Variants in PSMA4 observed in about 807,000 individuals in gnomAD.
The protein encoded by PSMA4 is proteasome 20S subunit alpha 4, also known as proteasome subunit alpha type-4.
In PSMA4, 8 loss-of-function variants were observed where a neutral mutation model predicts 37.2. The observed-to-expected ratio is 0.22, with a 90% CI of 0.13 to 0.39. PSMA4 has a LOEUF of 0.39. Ranked by LOEUF, PSMA4 falls within the 10% of genes least tolerant of loss-of-function variation. PSMA4 has a pLI of 1.00. For missense variants in PSMA4, 169 were observed against 305.1 expected, an observed-to-expected ratio of 0.55 and a Z score of 3.32; for synonymous variants, 93 against 98.8, an observed-to-expected ratio of 0.94 and a Z score of 0.35.
rs890045217 is a variant in PSMA4, at chr15:78,552,137, G to C, written c.*3193G>C. ...ATTTTTAACCTGAGTTGCAGGACAG[G>C]TGGTTTCCAGAGTGTTGCCTGATGC... is the stretch of plus-strand genomic sequence containing the variant. On this transcript the variant is annotated 3_prime_UTR_variant, in exon 9 of 9. Coordinates refer to ENST00000044462, the MANE Select transcript of PSMA4 (RefSeq NM_002789.6). 1.3e-5 allele frequency: 2 copies of C among 152,162 alleles called. No homozygotes were observed. The highest frequency in any genetic ancestry group is 4.8e-5 in the African/African-American group (2 of 41,412). The allele number at this position is 152,162 out of a possible 1,614,324, so 9.4% of individuals were successfully genotyped here.
rs2052624309 is a variant in PSMA4 at position 78,550,220 on chromosome 15, A to G, written c.*1276A>G. 6.6e-6 allele frequency: 1 copy of G among 152,234 alleles called. No homozygotes were observed. Among genetic ancestry groups the G allele is most frequent in the Non-Finnish European group, 1.5e-5 (1 of 68,046 alleles). 9.4% of individuals were successfully genotyped at this position (152,234 alleles called of 1,614,324 possible). The stretch of plus-strand genomic sequence containing the variant: ...CCACTGGTCACATTTTTATCAACTG[A>G]TCAGTACATAACCTGTTTTTTGTGT... On this transcript the variant is annotated 3_prime_UTR_variant, in exon 9 of 9. Coordinates refer to ENST00000044462, the MANE Select transcript of PSMA4 (RefSeq NM_002789.6).
chr15:78,552,153 T>A lies in PSMA4; in HGVS notation c.*3209T>A, dbSNP rs1225317835. ...GCAGGACAGGTGGTTTCCAGAGTGT[T>A]GCCTGATGCATCCCAAATGCTGCCT... On this transcript the variant is annotated 3_prime_UTR_variant, in exon 9 of 9. Transcript: ENST00000044462. 6.6e-6 allele frequency: 1 copy of A among 152,218 alleles called. No individual in the cohort carries two copies. Among genetic ancestry groups the A allele is most frequent in the East Asian group, 1.9e-4 (1 of 5,194 alleles). 9.4% of individuals were successfully genotyped at this position (152,218 alleles called of 1,614,324 possible).
In PSMA4 at chr15:78,550,794, A is replaced by G. The variant is rs2052632452; in HGVS notation, c.*1850A>G. ...GCCTTGCTCAACCTCAGATGGGAAC[A>G]TGTGCACCTGGGTACTCAAAATTTT... On this transcript the variant is annotated 3_prime_UTR_variant, in exon 9 of 9. Coordinates refer to ENST00000044462, the MANE Select transcript of PSMA4 (RefSeq NM_002789.6). 1 of 152,196 alleles carries G rather than the reference A, an allele frequency of 6.6e-6. No individual in the cohort carries two copies. The highest frequency in any genetic ancestry group is 2.4e-5 in the African/African-American group (1 of 41,452). 9.4% of individuals were successfully genotyped at this position (152,196 alleles called of 1,614,324 possible). A position where few individuals can be genotyped will look rare whatever the true frequency, so the allele number is the denominator to read the frequency against.
chr15:78,542,295 C>CT lies in PSMA4; in HGVS notation c.46+83dup. On this transcript the variant is annotated intron_variant, in intron 3 of 8. Transcript: ENST00000044462. Reference sequence around the variant, plus strand: ...GACTTTTAGAAAAAAAAATTACAAACTTTTTTTGGTAGTTGCAAAGTTCAT... The same window carrying CT: ...GACTTTTAGAAAAAAAAATTACAAACTTTTTTTTGGTAGTTGCAAAGTTCAT... 2.7e-6 allele frequency: 4 copies of CT among 1,485,998 alleles called. No individual in the cohort carries two copies. The Admixed American group carries it at 8.9e-5, about 33-fold the overall frequency. The allele number at this position is 1,485,998 out of a possible 1,614,324, so 92.1% of individuals were successfully genotyped here.
chr15:78,542,730 G>C (rs185351987), intron 4 of PSMA4, 85 bp downstream of exon 4: 5 of 1,262,588 alleles, frequency 4.0e-6, no homozygotes, highest in Non-Finnish European at 5.5e-6. Flanking sequence ...GGGCTCTTCC[G>C]TGCGATGTGG....
intron 6 of PSMA4, among the ~76,000 whole-genome samples, chr15:78,545,278 C>T (rs930264359): frequency 2.6e-5 from 4 of 152,210 alleles, no homozygotes; most frequent in African/African-American, 9.7e-5. Flanking sequence ...ACTAGAATTT[C>T]ATACATTCTT....
intron 8 of PSMA4, 62 bp downstream of exon 8, chr15:78,546,760 A>ATT: frequency 1.4e-6 from 2 of 1,436,560 alleles, no homozygotes; most frequent in South Asian, 1.3e-5. Context: ...AGCTGTTAAG[A>ATT]TTTTTTTCTT....
rs977355918 is a variant in PSMA4, at chr15:78,544,239, A to T, written c.259A>T (p.Thr87Ser). 1 of 1,613,358 alleles carries T rather than the reference A, an allele frequency of 6.2e-7. No homozygotes were observed. The highest frequency in any genetic ancestry group is 8.5e-7 in the Non-Finnish European group (1 of 1,179,430). ...AGITSDANVL[T>S]NELRLIAQRY... ...CATAACTTCTGATGCTAATGTTCTGACTAATGAACTAAGGCTCATTGCTCA... is the reference window on the plus strand; with the variant it reads ...CATAACTTCTGATGCTAATGTTCTGTCTAATGAACTAAGGCTCATTGCTCA... The change falls in exon 5 of 9, where the codon ACT becomes TCT. Residue 87 changes from threonine to serine, a missense_variant. Thr to Ser is a moderately conservative substitution (Grantham distance 58, BLOSUM62 1). Coordinates refer to ENST00000044462, the MANE Select transcript of PSMA4 (RefSeq NM_002789.6).
At position 78,549,352 on chromosome 15, in the gene PSMA4, A is replaced by G. The variant is rs750156182; in HGVS notation, c.*408A>G. 1 of 154,532 alleles carries G rather than the reference A, an allele frequency of 6.5e-6. No homozygotes were observed. The highest frequency in any genetic ancestry group is 1.4e-5 in the Non-Finnish European group (1 of 69,690). 9.6% of individuals were successfully genotyped at this position (154,532 alleles called of 1,614,324 possible). ...TCTGTCTGCAGGAATTGGTTTGAGA[A>G]TGAACACGTGAGCTGAACAAAGCCA... On this transcript the variant is annotated 3_prime_UTR_variant, in exon 9 of 9. Coordinates refer to ENST00000044462, the MANE Select transcript of PSMA4 (RefSeq NM_002789.6).
chr15:78,542,010 A>G, intron 2 of PSMA4, 80 bp downstream of exon 2: 5 of 1,526,454 alleles, frequency 3.3e-6, no homozygotes, highest in Non-Finnish European at 4.5e-6. Context: ...TGAGTGGGAA[A>G]ATTGAAATAG....
intron 4 of PSMA4, 141 bp downstream of exon 4, chr15:78,542,786 C>A (rs900542062): frequency 1.7e-5 from 13 of 757,668 alleles, no homozygotes; most frequent in African/African-American, 1.6e-4. Context: ...CTCTTTGAGG[C>A]CTGGTACCAT....
At chr15:78,548,116 T>G in intron 8 of PSMA4, among the ~76,000 whole-genome samples, 1 of 151,434 alleles carries the variant, frequency 6.6e-6, no homozygotes, top group Non-Finnish European at 1.5e-5. Context: ...CCTGTAATCC[T>G]GCTACTCAGG....
intron 7 of PSMA4, 39 bp downstream of exon 7, chr15:78,545,803 T>TC: frequency 6.2e-7 from 1 of 1,603,634 alleles, no homozygotes; most frequent in Non-Finnish European, 8.5e-7. Context: ...TAGCAGAATG[T>TC]CTAATAACTG....
In PSMA4 at chr15:78,544,919, C is replaced by T. The variant is rs147984456; in HGVS notation, c.338C>T (p.Ala113Val). ...ATACCTTGTGAGCAGTTGGTTACAG[C>T]GCTGTGTGATATCAAACAAGCTTAT... ...EPIPCEQLVT[A>V]LCDIKQAYTQ... Residue 113 changes from alanine (A) to valine (V), a missense_variant, in exon 6 of 9, where the codon GCG becomes GTG. Physicochemically the swap from Ala to Val is moderately conservative, Grantham distance 64. Transcript: ENST00000044462. 4.7e-5 allele frequency: 75 copies of T among 1,610,942 alleles called. No individual in the cohort carries two copies. Among genetic ancestry groups the T allele is most frequent in the Non-Finnish European group, 3.2e-5 (38 of 1,178,330 alleles).
At chr15:78,544,029 T>C in intron 4 of PSMA4, 161 bp from the exon 5 acceptor site, 2 of 559,962 alleles carry the variant, frequency 3.6e-6, no homozygotes, top group South Asian at 5.0e-5. Flanking sequence ...CGAGTAAACA[T>C]CTCCTACAAA....
At chr15:78,544,032 C>T in intron 4 of PSMA4, 158 bp from the exon 5 acceptor site, 1 of 570,556 alleles carries the variant, frequency 1.8e-6, no homozygotes, top group South Asian at 2.4e-5. Flanking sequence ...GTAAACATCT[C>T]CTACAAAGAT....
chr15:78,547,131 A>T (rs1422206822), intron 8 of PSMA4, among the ~76,000 whole-genome samples: 3 of 152,204 alleles, frequency 2.0e-5, no homozygotes, highest in Non-Finnish European at 4.4e-5. Flanking sequence ...GAATTAGGTG[A>T]TGTTATCCCT....
In PSMA4 at chr15:78,551,132, A is replaced by G. The variant is rs2052637492; in HGVS notation, c.*2188A>G. 6.6e-6 allele frequency: 1 copy of G among 152,130 alleles called. No individual in the cohort carries two copies. The highest frequency in any genetic ancestry group is 2.1e-4 in the South Asian group (1 of 4,830). The allele number at this position is 152,130 out of a possible 1,614,324, so 9.4% of individuals were successfully genotyped here. A position where few individuals can be genotyped will look rare whatever the true frequency, so the allele number is the denominator to read the frequency against. On this transcript the variant is annotated 3_prime_UTR_variant, in exon 9 of 9. Transcript: ENST00000044462. ...GCCTCCTAACTGGTTCCTTGCCTCCACTTCATTCCCCACAGTCAATTCTCC... is the reference window on the plus strand; with the variant it reads ...GCCTCCTAACTGGTTCCTTGCCTCCGCTTCATTCCCCACAGTCAATTCTCC...
chr15:78,542,125 A>T, intron 2 of PSMA4, 52 bp from the exon 3 acceptor site: 6 of 1,553,548 alleles, frequency 3.9e-6, no homozygotes, highest in Non-Finnish European at 5.3e-6. Flanking sequence ...GGCTTGCAGG[A>T]GTTGGCCTAC....
Sources: allele counts gnomAD v4.1 joint callset (sites outside exome capture counted in the v4.1 genomes callset), GRCh38; gene constraint gnomAD v4.1.1; transcripts MANE v1.5; gene names NCBI Gene and HGNC (gene_info 2026-07-23, HGNC 2026-07-21).